The following RNF215 variants were observed in gnomAD, a reference collection of about 807,000 sequenced individuals.
RNF215 encodes ring finger protein 215.
RNF215 carries 41 observed loss-of-function variants against 44.8 expected under a neutral mutation model. The observed-to-expected ratio is 0.92, with a 90% CI of 0.71 to 1.19. RNF215 has a LOEUF of 1.19. RNF215 is among the 50% of genes most tolerant of loss of function. RNF215 has a pLI of 0.00. For missense variants in RNF215, 452 were observed against 496.2 expected, an observed-to-expected ratio of 0.91 and a Z score of 0.85; for synonymous variants, 218 against 230.1, an observed-to-expected ratio of 0.95 and a Z score of 0.48.
At chr22:30,385,377 G>A (rs550610570) in intron 4 of RNF215, among the ~76,000 whole-genome samples, 9 of 149,440 alleles carry the variant, frequency 6.0e-5, no homozygotes, top group Non-Finnish European at 8.9e-5. Flanking sequence ...AGCCGAGATC[G>A]CGCCACTGCA....
chr22:30,380,512 C>A lies in RNF215; in HGVS notation c.745-111G>T. The A allele has an allele frequency of 1.5e-6, 2 of 1,338,884 alleles. No homozygotes were observed. The highest frequency in any genetic ancestry group is 2.0e-6 in the Non-Finnish European group (2 of 991,088). 82.9% of individuals were successfully genotyped at this position (1,338,884 alleles called of 1,614,324 possible). Reference sequence around the variant, plus strand: ...CAGGCAGGTGAGGTATGCTGACGGCCTCTGTGTCCCTGCAGTCCCCAGCTT... The same window carrying A: ...CAGGCAGGTGAGGTATGCTGACGGCATCTGTGTCCCTGCAGTCCCCAGCTT... On this transcript the variant is annotated intron_variant, in intron 5 of 8. Transcript: ENST00000382363. This position sits in a 1 kb window ranked among gnomAD's most constrained non-coding sequence, Gnocchi z 5.3.
chr22:30,386,715 C>A lies in RNF215; in HGVS notation c.330G>T (p.Trp110Cys). The A allele has an allele frequency of 6.2e-7, 1 of 1,610,730 alleles. No homozygotes were observed. The highest frequency in any genetic ancestry group is 8.5e-7 in the Non-Finnish European group (1 of 1,179,968). ...CCTTGCCCACGTATGCCACTGCAATCCAGCCTTCCACTGGTGCCTCCTGCT... is the reference window on the plus strand; with the variant it reads ...CCTTGCCCACGTATGCCACTGCAATACAGCCTTCCACTGGTGCCTCCTGCT... Reference protein sequence around the residue: ...DAEQEAPVEGWIAVAYVGKEQ... With the variant: ...DAEQEAPVEGCIAVAYVGKEQ... The change falls in exon 2 of 9, where the codon TGG becomes TGT. Residue 110 changes from tryptophan to cysteine, a missense_variant. Trp to Cys is a radical substitution (Grantham distance 215, BLOSUM62 -2). Transcript: ENST00000382363.
chr22:30,386,807 G>T (rs747995590), intron 1 of RNF215, 48 bp from the exon 2 acceptor site: 2 of 1,576,868 alleles, frequency 1.3e-6, no homozygotes, highest in South Asian at 2.3e-5. Flanking sequence ...TGTGGTGGGG[G>T]AGGGAGCCGG....
At chr22:30,383,400 A>G (rs941893920) in intron 5 of RNF215, among the ~76,000 whole-genome samples, 28 of 152,244 alleles carry the variant, frequency 1.8e-4, no homozygotes, top group African/African-American at 6.0e-4. Context: ...GCCACCCATG[A>G]CAGGGATACA....
At position 30,386,657 on chromosome 22, in the gene RNF215, C is replaced by A. The variant is rs757267348; in HGVS notation, c.388G>T (p.Gly130Cys). ...TTGGGATAGGCCTGCGGGCCACTGCCCTTATTCTCCTGGTGGAACTGGGCC... is the reference window on the plus strand; with the variant it reads ...TTGGGATAGGCCTGCGGGCCACTGCACTTATTCTCCTGGTGGAACTGGGCC... ...QAAQFHQENK[G>C]SGPQAYPKAL... is the part of the protein sequence containing the mutation. Residue 130 changes from glycine (G) to cysteine (C), a missense_variant, in exon 2 of 9, where the codon GGC (glycine) becomes TGC (cysteine). Coordinates refer to ENST00000382363, the MANE Select transcript of RNF215 (RefSeq NM_001017981.2). The A allele has an allele frequency of 2.8e-5, 45 of 1,613,294 alleles. No homozygotes were observed. The South Asian group carries it at 4.6e-4, about 17-fold the overall frequency.
chr22:30,380,466 A>AC lies in RNF215; in HGVS notation c.745-66dup. The AC allele has an allele frequency of 1.3e-6, 2 of 1,522,764 alleles. No homozygotes were observed. The highest frequency in any genetic ancestry group is 1.8e-6 in the Non-Finnish European group (2 of 1,134,106). 94.3% of individuals were successfully genotyped at this position (1,522,764 alleles called of 1,614,324 possible). On this transcript the variant is annotated intron_variant, in intron 5 of 8. Transcript: ENST00000382363. This position sits in a 1 kb window ranked among gnomAD's most constrained non-coding sequence, Gnocchi z 5.3. Reference sequence around the variant, plus strand: ...CCACACGCCTCCCTTAGGAACATCTACCCCCAGGAACGCCAGGGAGCAGGC... The same window carrying AC: ...CCACACGCCTCCCTTAGGAACATCTACCCCCCAGGAACGCCAGGGAGCAGGC...
Position 30,379,469 on chromosome 22 carries a change from TCCTC to T in RNF215, c.*127_*130del, listed in dbSNP as rs369590821. ...GTGGACATGGTGGGGCCCTCATCCT[TCCTC>T]CCACCCACTGGGCTTGCTGTCCTGT... On this transcript the variant is annotated 3_prime_UTR_variant, in exon 9 of 9. Transcript: ENST00000382363. The T allele has an allele frequency of 4.4e-4, 505 of 1,138,514 alleles. 3 individuals carry two copies. The African/African-American group carries it at 6.9e-3, about 16-fold the overall frequency. 70.5% of individuals were successfully genotyped at this position (1,138,514 alleles called of 1,614,324 possible). A position where few individuals can be genotyped will look rare whatever the true frequency, so the allele number is the denominator to read the frequency against.
rs1275161062 is a variant in RNF215 at position 30,387,356 on chromosome 22, C to G, written c.-43G>C. 2.9e-6 allele frequency: 3 copies of G among 1,041,522 alleles called. No homozygotes were observed. The highest frequency in any genetic ancestry group is 2.3e-6 in the Non-Finnish European group (2 of 866,964). The allele number at this position is 1,041,522 out of a possible 1,614,324, so 64.5% of individuals were successfully genotyped here. ...TGGCCCAACAGTGGGGCCAGGGGTC[C>G]CGGGCGCGGGGGGGATCGGAGGGAG... On this transcript the variant is annotated 5_prime_UTR_variant, in exon 1 of 9. Coordinates refer to ENST00000382363, the MANE Select transcript of RNF215 (RefSeq NM_001017981.2).
At chr22:30,379,662 G>C (rs753456099) in intron 8 of RNF215, 40 bp from the exon 9 acceptor site, 2 of 1,552,240 alleles carry the variant, frequency 1.3e-6, no homozygotes, top group Non-Finnish European at 1.7e-6. Context: ...AGAGGCATCA[G>C]GTGAGGAGCA....
chr22:30,379,332 C>T lies in RNF215; in HGVS notation c.*268G>A, dbSNP rs1289880726. On this transcript the variant is annotated 3_prime_UTR_variant, in exon 9 of 9. Coordinates refer to ENST00000382363, the MANE Select transcript of RNF215 (RefSeq NM_001017981.2). ...ACCTGGGAGCTGCCTGTAAGGAGGG[C>T]AGACTCACGTCACAGGATTGCAGAG... is the stretch of plus-strand genomic sequence containing the variant. 3.7e-6 allele frequency: 2 copies of T among 541,576 alleles called. No homozygotes were observed. Among genetic ancestry groups the T allele is most frequent in the Non-Finnish European group, 6.6e-6 (2 of 300,814 alleles). The allele number at this position is 541,576 out of a possible 1,614,324, so 33.5% of individuals were successfully genotyped here.
intron 5 of RNF215, among the ~76,000 whole-genome samples, chr22:30,383,891 G>A (rs1317319850): frequency 6.6e-6 from 1 of 152,192 alleles, no homozygotes; most frequent in Admixed American, 6.5e-5. Flanking sequence ...AGCTAGACTA[G>A]GACGTGTGGA....
chr22:30,380,270 G>C lies in RNF215; in HGVS notation c.864+12C>G. 3 of 1,610,858 alleles carry C rather than the reference G, an allele frequency of 1.9e-6. No individual in the cohort carries two copies. The highest frequency in any genetic ancestry group is 4.5e-5 in the East Asian group (2 of 44,810). On this transcript the variant is annotated intron_variant, in intron 6 of 8. Coordinates refer to ENST00000382363, the MANE Select transcript of RNF215 (RefSeq NM_001017981.2). This position sits in a 1 kb window ranked among gnomAD's most constrained non-coding sequence, Gnocchi z 5.3. ...GCTGAGGGTGCTGGGGCTCCCTGGGGCTGGCTCCCACCTGGCCTCCGAGCT... is the reference window on the plus strand; with the variant it reads ...GCTGAGGGTGCTGGGGCTCCCTGGGCCTGGCTCCCACCTGGCCTCCGAGCT...
chr22:30,386,510 G>T, intron 2 of RNF215, 106 bp downstream of exon 2: 1 of 1,422,464 alleles, frequency 7.0e-7, no homozygotes, highest in Non-Finnish European at 9.5e-7. Context: ...ACCAGGCCTA[G>T]GGCTTCTCTG....
Position 30,380,368 on chromosome 22 carries a change from G to A in RNF215, c.778C>T (p.Leu260=), listed in dbSNP as rs142281197. 73 of 1,609,490 alleles carry A rather than the reference G, an allele frequency of 4.5e-5. No homozygotes were observed. Among genetic ancestry groups the A allele is most frequent in the Middle Eastern group, 3.6e-4 (2 of 5,542 alleles). The change falls in exon 6 of 9, where the codon CTG becomes TTG. Residue 260 remains leucine (L), a synonymous_variant. Transcript: ENST00000382363. The surrounding 1 kb of genome is among the most constrained non-coding windows in gnomAD (Gnocchi z 5.3). ...CCTGTGCACAGGAGCATGGCCACCA[G>A]CAGGATGGCGTTCCACAGCTGCTGC... ...PLQQLWNAIL[L]VAMLLCTGLV... is the part of the protein sequence containing the mutation.
chr22:30,383,021 G>A (rs1490232578), intron 5 of RNF215, among the ~76,000 whole-genome samples: 1 of 152,164 alleles, frequency 6.6e-6, no homozygotes, highest in Non-Finnish European at 1.5e-5. Context: ...AGGGTCACTT[G>A]AGCCCAGGAG....
At chr22:30,386,824 C>A in intron 1 of RNF215, 65 bp from the exon 2 acceptor site, 1 of 1,550,620 alleles carries the variant, frequency 6.4e-7, no homozygotes, top group East Asian at 2.3e-5. Context: ...CCGGGGTCAT[C>A]ACAGTGGATG....
Position 30,386,644 on chromosome 22 carries a change from T to G in RNF215, c.401A>C (p.Gln134Pro). 2 of 1,613,162 alleles carry G rather than the reference T, an allele frequency of 1.2e-6. No homozygotes were observed. The highest frequency in any genetic ancestry group is 1.7e-6 in the Non-Finnish European group (2 of 1,179,936). Reference protein sequence around the residue: ...FHQENKGSGPQAYPKALVQQM... With the variant: ...FHQENKGSGPPAYPKALVQQM... Reference sequence around the variant, plus strand: ...CTGGACCAGGGCCTTGGGATAGGCCTGCGGGCCACTGCCCTTATTCTCCTG... The same window carrying G: ...CTGGACCAGGGCCTTGGGATAGGCCGGCGGGCCACTGCCCTTATTCTCCTG... The change falls in exon 2 of 9, where the codon CAG becomes CCG. Residue 134 changes from glutamine (Q) to proline (P), a missense_variant. Transcript: ENST00000382363.
At chr22:30,384,275 A>G in intron 5 of RNF215, 64 bp downstream of exon 5, 1 of 1,513,190 alleles carries the variant, frequency 6.6e-7, no homozygotes, top group Non-Finnish European at 9.0e-7. Context: ...TTTCAATACA[A>G]AGCCATGTAT....
rs1933478170 is a variant in RNF215, at chr22:30,378,937, G to C, written c.*663C>G. 1 of 146,148 alleles carries C rather than the reference G, an allele frequency of 6.8e-6. No homozygotes were observed. The highest frequency in any genetic ancestry group is 2.5e-5 in the African/African-American group (1 of 39,412). The allele number at this position is 146,148 out of a possible 1,614,324, so 9.1% of individuals were successfully genotyped here. A position where few individuals can be genotyped will look rare whatever the true frequency, so the allele number is the denominator to read the frequency against. On this transcript the variant is annotated 3_prime_UTR_variant, in exon 9 of 9. Coordinates refer to ENST00000382363, the MANE Select transcript of RNF215 (RefSeq NM_001017981.2). ...CTGGATGAGGCACCACATTGATCCTGTGGCTTCGAGTATCCCGGTCAGCAA... is the reference window on the plus strand; with the variant it reads ...CTGGATGAGGCACCACATTGATCCTCTGGCTTCGAGTATCCCGGTCAGCAA...
Sources: allele counts gnomAD v4.1 joint callset (sites outside exome capture counted in the v4.1 genomes callset), GRCh38; gene constraint gnomAD v4.1.1; non-coding constraint Gnocchi (gnomAD v3.1); transcripts MANE v1.5; gene names NCBI Gene and HGNC (gene_info 2026-07-23, HGNC 2026-07-21).